The following VPS45 variants were observed in gnomAD, a reference collection of about 807,000 sequenced individuals.
The protein encoded by VPS45 is vacuolar protein sorting 45 homolog.
In VPS45, 35 loss-of-function variants were observed where a neutral mutation model predicts 75.9. The ratio of observed to expected loss-of-function variants is 0.46; its 90% confidence interval spans 0.35 to 0.61. The LOEUF is 0.61. Among genes scored for constraint, VPS45 ranks in the 20% least tolerant of loss-of-function variants. The probability of loss-of-function intolerance (pLI) is 0.00; values close to 1 mark genes in which losing one functional copy is unlikely to be tolerated. For missense variants in VPS45, 559 were observed against 685.9 expected (o/e 0.81, Z 2.07); for synonymous variants, 220 against 238.2 (o/e 0.92, Z 0.70).
At chr1:150,092,963 C>A (rs1480662148) in intron 12 of VPS45, among the ~76,000 whole-genome samples, 2 of 150,624 alleles carry the variant, frequency 1.3e-5, no homozygotes, top group Non-Finnish European at 2.9e-5. Context: ...CTGCCTCAGC[C>A]TCTCGAGTAG....
chr1:150,073,624 T>C (rs1655198430), intron 3 of VPS45, among the ~76,000 whole-genome samples: 1 of 152,054 alleles, frequency 6.6e-6, no homozygotes, highest in Non-Finnish European at 1.5e-5. Flanking sequence ...TTTGAAGTAA[T>C]TGTAGATTCA....
intron 14 of VPS45, chr1:150,142,932 G>C: frequency 2.3e-6 from 1 of 431,832 alleles, no homozygotes; most frequent in Non-Finnish European, 4.6e-6. Context: ...GGATTACAGC[G>C]TAAGCCACTG....
chr1:150,114,468 A>C (rs1454829232), intron 14 of VPS45, among the ~76,000 whole-genome samples: 1 of 134 alleles, frequency 7.5e-3, no homozygotes, highest in Admixed American at 0.045. Context: ...ACACCATCTC[A>C]AAAAAAAAAA....
Position 150,091,947 on chromosome 1 carries a change from G to A in VPS45, c.1115G>A (p.Arg372Lys). The A allele has an allele frequency of 6.2e-7, 1 of 1,612,608 alleles. No individual in the cohort carries two copies. The highest frequency in any genetic ancestry group is 8.5e-7 in the Non-Finnish European group (1 of 1,179,558). Residue 372 changes from arginine to lysine, a missense_variant, in exon 11 of 15, where the codon AGG becomes AAG. Arg to Lys is a conservative substitution (Grantham distance 26, BLOSUM62 2). Transcript: ENST00000644510. ...TCTATCTTTCTTCAGAATATAAAAAGGCTTCTGCAGAACCCCAAAGTGACA... is the reference window on the plus strand; with the variant it reads ...TCTATCTTTCTTCAGAATATAAAAAAGCTTCTGCAGAACCCCAAAGTGACA... ...DHSSALQNIK[R>K]LLQNPKVTEF...
intron 12 of VPS45, 29 bp downstream of exon 12, chr1:150,092,438 A>C: frequency 6.3e-7 from 1 of 1,580,758 alleles, no homozygotes; most frequent in African/African-American, 1.3e-5. Flanking sequence ...TGCTCTCCTG[A>C]GTGAGAACAG....
chr1:150,092,795 T>G (rs1656402406), intron 12 of VPS45, among the ~76,000 whole-genome samples: 2 of 151,986 alleles, frequency 1.3e-5, no homozygotes, highest in Non-Finnish European at 2.9e-5. Flanking sequence ...CTAACCTGTT[T>G]TCTTAAAATA....
At chr1:150,081,531 C>A (rs1655710833) in intron 8 of VPS45, 55 bp downstream of exon 8, 1 of 1,561,640 alleles carries the variant, frequency 6.4e-7, no homozygotes, top group Admixed American at 2.0e-5. Flanking sequence ...GTAAGAAGAT[C>A]AATATTGGCT....
intron 13 of VPS45, among the ~76,000 whole-genome samples, chr1:150,101,917 C>T (rs1657039662): frequency 6.6e-6 from 1 of 151,886 alleles, no homozygotes; most frequent in Non-Finnish European, 1.5e-5. Context: ...GGTATATACC[C>T]AGAGGAATAT....
chr1:150,072,036 T>TAA, intron 2 of VPS45, 130 bp from the exon 3 acceptor site: 1 of 532,668 alleles, frequency 1.9e-6, no homozygotes, highest in Admixed American at 3.3e-5. Flanking sequence ...CCCACCAACA[T>TAA]AAGCACACTT....
chr1:150,103,539 G>A (rs2101593551), intron 13 of VPS45, among the ~76,000 whole-genome samples: 1 of 152,246 alleles, frequency 6.6e-6, no homozygotes, highest in South Asian at 2.1e-4. Context: ...GTCCTTACAT[G>A]TATATAACCT....
intron 14 of VPS45, among the ~76,000 whole-genome samples, chr1:150,128,110 G>A (rs1288321090): frequency 6.6e-6 from 1 of 152,006 alleles, no homozygotes; most frequent in Non-Finnish European, 1.5e-5. Flanking sequence ...AGACCAGCCT[G>A]GGCAACATGG....
intron 11 of VPS45, 94 bp from the exon 12 acceptor site, chr1:150,092,208 T>A (rs782785949): frequency 8.5e-6 from 13 of 1,526,600 alleles, no homozygotes; most frequent in Non-Finnish European, 1.2e-5. Context: ...TATAATTCTG[T>A]CTTTTCATTT....
At chr1:150,130,576 C>T (rs1263057103) in intron 14 of VPS45, among the ~76,000 whole-genome samples, 3 of 152,144 alleles carry the variant, frequency 2.0e-5, no homozygotes, top group Non-Finnish European at 4.4e-5. Context: ...TTTTTAATAA[C>T]TGAATTATAT....
At chr1:150,129,629 G>A (rs1230037615) in intron 14 of VPS45, among the ~76,000 whole-genome samples, 2 of 145,750 alleles carry the variant, frequency 1.4e-5, no homozygotes, top group African/African-American at 5.1e-5. Context: ...ACACCACCTC[G>A]GCTCACTGCA....
chr1:150,068,397 C>T, intron 1 of VPS45: 1 of 413,474 alleles, frequency 2.4e-6, no homozygotes, highest in Non-Finnish European at 4.2e-6. Flanking sequence ...TGGATTGTTC[C>T]TGTTCAAAGA....
chr1:150,139,922 C>G (rs1235250319), intron 14 of VPS45, among the ~76,000 whole-genome samples: 1 of 151,804 alleles, frequency 6.6e-6, no homozygotes, highest in Non-Finnish European at 1.5e-5. Context: ...GAGATGGAGT[C>G]TTGCTTTGGT....
chr1:150,091,843 T>C, intron 10 of VPS45, 94 bp from the exon 11 acceptor site: 4 of 1,115,222 alleles, frequency 3.6e-6, no homozygotes, highest in South Asian at 1.6e-5. Context: ...AGTAGTGATG[T>C]ATCACTACCA....
chr1:150,124,104 T>C (rs985570422), intron 14 of VPS45, among the ~76,000 whole-genome samples: 14 of 152,260 alleles, frequency 9.2e-5, no homozygotes, highest in East Asian at 3.9e-4. Context: ...AGACAGATAG[T>C]GCTGGCAAAC....
At chr1:150,079,624 C>T (rs182610505) in intron 7 of VPS45, among the ~76,000 whole-genome samples, 1 of 152,240 alleles carries the variant, frequency 6.6e-6, no homozygotes, top group African/African-American at 2.4e-5. Context: ...ATTGGCCAGG[C>T]TGGTCTCGAA....
Sources: allele counts gnomAD v4.1 joint callset (sites outside exome capture counted in the v4.1 genomes callset), GRCh38; gene constraint gnomAD v4.1.1; transcripts MANE v1.5; gene names NCBI Gene and HGNC (gene_info 2026-07-23, HGNC 2026-07-21).